Variants in GRIK4 observed in about 807,000 individuals in gnomAD.
The protein encoded by GRIK4 is glutamate receptor ionotropic, kainate 4.
A neutral mutation model predicts 104.9 loss-of-function variants in GRIK4; 40 were observed. The observed-to-expected ratio is 0.38, with a 90% CI of 0.30 to 0.50. The LOEUF is 0.50. Among genes scored for constraint, GRIK4 ranks in the 20% least tolerant of loss-of-function variants. The pLI is 0.93. For synonymous variants in GRIK4, 485 were observed against 524.9 expected (o/e 0.92, Z 1.04); for missense variants, 1,047 against 1,308.1 (o/e 0.80, Z 3.08).
chr11:120,977,613 C>T (rs1438193251), intron 19 of GRIK4, among the ~76,000 whole-genome samples: 8 of 152,198 alleles, frequency 5.3e-5, no homozygotes, highest in Non-Finnish European at 8.8e-5. Flanking sequence ...GTATACAAGC[C>T]TTGCTTCTAT....
chr11:120,825,892 A>G (rs1953244842), intron 6 of GRIK4, among the ~76,000 whole-genome samples: 1 of 152,216 alleles, frequency 6.6e-6, no homozygotes, highest in Non-Finnish European at 1.5e-5. Flanking sequence ...GGGAGTAGGC[A>G]GTGATACCCA....
At chr11:120,598,891 A>C (rs1196826625) in intron 1 of GRIK4, among the ~76,000 whole-genome samples, 1 of 152,254 alleles carries the variant, frequency 6.6e-6, no homozygotes, top group Non-Finnish European at 1.5e-5. Context: ...CCGGTTGGCC[A>C]AAGGAAGTCA....
intron 11 of GRIK4, among the ~76,000 whole-genome samples, chr11:120,875,712 C>T (rs1487997410): frequency 1.3e-5 from 2 of 152,118 alleles, no homozygotes; most frequent in African/African-American, 2.4e-5. Flanking sequence ...TGACACAGCT[C>T]CTCTCCTGGC....
At chr11:120,644,817 G>A (rs1349476390) in intron 1 of GRIK4, among the ~76,000 whole-genome samples, 3 of 152,162 alleles carry the variant, frequency 2.0e-5, no homozygotes, top group Non-Finnish European at 2.9e-5. Context: ...TTTTCCTTTC[G>A]GTCTTAGAGC....
At position 120,707,259 on chromosome 11, in the gene GRIK4, C is replaced by T. The variant is rs1345031336; in HGVS notation, c.82+46859C>T. ...CACACACTGTGGGAGCTGGAGCCAT[C>T]GATGTATCAGTGTATCACTTCACTG... On this transcript the variant is annotated intron_variant, in intron 3 of 20. Transcript: ENST00000527524. Among the ~76,000 whole-genome samples, 5 of 152,284 alleles carry T rather than the reference C, an allele frequency of 3.3e-5. No homozygotes were observed. In the East Asian group the frequency reaches 7.7e-4, roughly 23 times the overall value.
At chr11:120,733,502 G>A (rs569363335) in intron 3 of GRIK4, among the ~76,000 whole-genome samples, 1 of 149,306 alleles carries the variant, frequency 6.7e-6, no homozygotes, top group Non-Finnish European at 1.5e-5. Flanking sequence ...TATTTTTTTG[G>A]GGGGGGAGCT....
chr11:120,553,597 AAAG>A (rs1435659675), intron 1 of GRIK4, among the ~76,000 whole-genome samples: 2 of 152,218 alleles, frequency 1.3e-5, no homozygotes, highest in East Asian at 3.8e-4. Context: ...GCTGTAGGGA[AAAG>A]AAGGTTTGAC....
At chr11:120,860,045 AG>A (rs1271380913) in intron 8 of GRIK4, among the ~76,000 whole-genome samples, 1 of 152,226 alleles carries the variant, frequency 6.6e-6, no homozygotes, top group Non-Finnish European at 1.5e-5. Context: ...TCTTCAGAAG[AG>A]GAGACTGCCT....
At chr11:120,868,178 A>C (rs1267313723) in intron 9 of GRIK4, 1 of 152,088 alleles carries the variant, frequency 6.6e-6, no homozygotes, top group Non-Finnish European at 1.5e-5. Context: ...GGGGGAAGGA[A>C]CTCAGCCACA....
chr11:120,849,524 T>G (rs1390636683), intron 8 of GRIK4, among the ~76,000 whole-genome samples: 1 of 152,224 alleles, frequency 6.6e-6, no homozygotes, highest in Non-Finnish European at 1.5e-5. Flanking sequence ...AAAGCTGGTA[T>G]TCTCACAATA....
At chr11:120,893,237 A>G (rs1942466400) in intron 11 of GRIK4, among the ~76,000 whole-genome samples, 1 of 152,258 alleles carries the variant, frequency 6.6e-6, no homozygotes, top group South Asian at 2.1e-4. Flanking sequence ...CCTCAGGAGC[A>G]AGATCATTAT....
intron 3 of GRIK4, among the ~76,000 whole-genome samples, chr11:120,789,477 T>C (rs1952353861): frequency 6.6e-6 from 1 of 152,146 alleles, no homozygotes; most frequent in Non-Finnish European, 1.5e-5. Context: ...CCTCACTACC[T>C]GTCTCATTTC....
At chr11:120,618,196 G>A (rs1364452232) in intron 1 of GRIK4, among the ~76,000 whole-genome samples, 1 of 152,186 alleles carries the variant, frequency 6.6e-6, no homozygotes, top group Non-Finnish European at 1.5e-5. Context: ...AAAGAGCCTG[G>A]CTTCCTAGTG....
At chr11:120,796,378 T>A (rs1952516321) in intron 3 of GRIK4, among the ~76,000 whole-genome samples, 2 of 152,130 alleles carry the variant, frequency 1.3e-5, no homozygotes, top group African/African-American at 2.4e-5. Flanking sequence ...AATCTGCAGA[T>A]GCAGAACCCA....
At chr11:120,536,332 C>G (rs1245399511) in intron 1 of GRIK4, among the ~76,000 whole-genome samples, 1 of 152,176 alleles carries the variant, frequency 6.6e-6, no homozygotes, top group Non-Finnish European at 1.5e-5. Flanking sequence ...TTCTCTGTTT[C>G]AAAAGCTTTC....
Position 120,902,507 on chromosome 11 carries a change from G to A in GRIK4, c.1273-2783G>A, listed in dbSNP as rs1033060191. Among the ~76,000 whole-genome samples, 2 of 152,130 alleles carry A rather than the reference G, an allele frequency of 1.3e-5. No individual in the cohort carries two copies. The highest frequency in any genetic ancestry group is 3.9e-4 in the East Asian group (2 of 5,192). On this transcript the variant is annotated intron_variant, in intron 12 of 20. Coordinates refer to ENST00000527524, the MANE Select transcript of GRIK4 (RefSeq NM_014619.5). The surrounding 1 kb of genome is among the most constrained non-coding windows in gnomAD (Gnocchi z 4.5). Reference sequence around the variant, plus strand: ...CCCTTGGGACAATCAAAGATACAATGGGACATTACCAGTCCTGAGATGGAA... The same window carrying A: ...CCCTTGGGACAATCAAAGATACAATAGGACATTACCAGTCCTGAGATGGAA...
chr11:120,527,824 G>A (rs907533051), intron 1 of GRIK4, among the ~76,000 whole-genome samples: 1 of 152,204 alleles, frequency 6.6e-6, no homozygotes, highest in Non-Finnish European at 1.5e-5. Context: ...TCCCACTCAC[G>A]GGTGGAGGAA....
rs777310386 is a variant in GRIK4 at position 120,905,519 on chromosome 11, C to A, written c.1476+26C>A. The A allele has an allele frequency of 1.8e-6, 2 of 1,099,330 alleles. No homozygotes were observed. The highest frequency in any genetic ancestry group is 2.4e-5 in the South Asian group (2 of 81,704). 68.1% of individuals were successfully genotyped at this position (1,099,330 alleles called of 1,614,324 possible). ...GTAAGGAGAGGACAAGTGATCTGGG[C>A]CTGAGGGTGGGCTGGGAGGGATTGG... On this transcript the variant is annotated intron_variant, in intron 13 of 20. Coordinates refer to ENST00000527524, the MANE Select transcript of GRIK4 (RefSeq NM_014619.5). The surrounding 1 kb of genome is among the most constrained non-coding windows in gnomAD (Gnocchi z 5.1).
intron 3 of GRIK4, among the ~76,000 whole-genome samples, chr11:120,672,722 T>C (rs1040518817): frequency 2.7e-5 from 4 of 148,120 alleles, no homozygotes; most frequent in Non-Finnish European, 5.9e-5. Flanking sequence ...GTGATTTGGC[T>C]CTCTGTCTAT....
Sources: gnomAD v4.1 joint callset for allele counts (sites outside exome capture counted in the v4.1 genomes callset) on GRCh38, gnomAD v4.1.1 for gene constraint, Gnocchi (gnomAD v3.1) non-coding constraint, MANE v1.5 for transcripts, NCBI Gene and HGNC (gene_info 2026-07-23, HGNC 2026-07-21) for gene names.